SHANK1: variants seen among roughly 807,000 people sequenced by gnomAD.
SHANK1 encodes SH3 and multiple ankyrin repeat domains protein 1.
A neutral mutation model predicts 165.6 loss-of-function variants in SHANK1; 35 were observed. The observed-to-expected ratio is 0.21, with a 90% CI of 0.16 to 0.28. The LOEUF is 0.28. Ranked by LOEUF, SHANK1 falls within the 10% of genes least tolerant of loss-of-function variation. The pLI, the probability that SHANK1 is intolerant of heterozygous loss-of-function variation, is 1.00. For synonymous variants in SHANK1, 1,428 were observed against 1,384.8 expected, an observed-to-expected ratio of 1.03 and a Z score of -0.69; for missense variants, 2,681 against 3,036.4, an observed-to-expected ratio of 0.88 and a Z score of 2.75.
intron 23 of SHANK1, among the ~76,000 whole-genome samples, chr19:50,663,526 T>C (rs999935304): frequency 6.6e-6 from 1 of 152,076 alleles, no homozygotes; most frequent in Non-Finnish European, 1.5e-5. Context: ...TGGTAGCTTT[T>C]TTTGTAGGAT....
At position 50,716,778 on chromosome 19, in the gene SHANK1, G is replaced by C. The variant is rs777918685; in HGVS notation, c.142C>G (p.Pro48Ala). The change falls in exon 2 of 24, where the codon CCT becomes GCT. Residue 48 changes from proline to alanine, a missense_variant. Coordinates refer to ENST00000293441, the MANE Select transcript of SHANK1 (RefSeq NM_016148.5). The surrounding 1 kb of genome is among the most constrained non-coding windows in gnomAD (Gnocchi z 8.4). ...CCTCTAACAGAGGCCAGGCTACCAG[G>C]TGCCCCACTGCCCTGGCCCCGGGTC... is the stretch of plus-strand genomic sequence containing the variant. ...RGTRGQGSGA[P>A]GSLASVRGLQ... The C allele has an allele frequency of 1.2e-6, 2 of 1,607,336 alleles. No individual in the cohort carries two copies. Among genetic ancestry groups the C allele is most frequent in the East Asian group, 2.2e-5 (1 of 44,758 alleles).
chr19:50,678,056 T>C (rs1408816197), intron 21 of SHANK1, among the ~76,000 whole-genome samples: 1 of 152,212 alleles, frequency 6.6e-6, no homozygotes, highest in African/African-American at 2.4e-5. Context: ...TTTTACCTGC[T>C]ATTTTTCGTA....
At chr19:50,703,964 G>A in intron 10 of SHANK1, 134 bp from the exon 11 acceptor site, 1 of 799,246 alleles carries the variant, frequency 1.3e-6, no homozygotes, top group Non-Finnish European at 2.0e-6. Flanking sequence ...GGGGGGCCTG[G>A]AATTGCTCCC....
At chr19:50,665,504 T>TTGCAG (rs1381243054) in intron 23 of SHANK1, among the ~76,000 whole-genome samples, 1 of 133,348 alleles carries the variant, frequency 7.5e-6, no homozygotes, top group Non-Finnish European at 1.5e-5. Context: ...GAGGCAGAAG[T>TTGCAG]TGCAGTGAGC....
At chr19:50,714,100 A>G in intron 5 of SHANK1, 82 bp downstream of exon 5, 1 of 1,525,856 alleles carries the variant, frequency 6.6e-7, no homozygotes, top group Non-Finnish European at 9.0e-7. Flanking sequence ...ACCAGTCAGG[A>G]ATGGATGTGA....
Position 50,697,573 on chromosome 19 carries a change from G to A in SHANK1, c.1937+16C>T. ...TTGGGGTGAGGGGGGTTGCCCGAGG[G>A]TGTAAGGACATTTACCTTGGGGCAT... On this transcript the variant is annotated intron_variant, in intron 14 of 23. Coordinates refer to ENST00000293441, the MANE Select transcript of SHANK1 (RefSeq NM_016148.5). This position sits in a 1 kb window ranked among gnomAD's most constrained non-coding sequence, Gnocchi z 4.7. The A allele has an allele frequency of 6.2e-7, 1 of 1,606,224 alleles. No individual in the cohort carries two copies. Among genetic ancestry groups the A allele is most frequent in the Non-Finnish European group, 8.5e-7 (1 of 1,172,798 alleles).
At chr19:50,703,851 CG>C in intron 10 of SHANK1, 21 bp from the exon 11 acceptor site, 8 of 1,180,886 alleles carry the variant, frequency 6.8e-6, no homozygotes, top group South Asian at 1.8e-5. Context: ...ACAGTGGCGG[CG>C]GGGGGCAGAT....
Position 50,704,186 on chromosome 19 carries a change from C to T in SHANK1, c.1156G>A (p.Val386Met). 1 of 1,613,730 alleles carries T rather than the reference C, an allele frequency of 6.2e-7. No homozygotes were observed. Among genetic ancestry groups the T allele is most frequent in the Non-Finnish European group, 8.5e-7 (1 of 1,179,892 alleles). Residue 386 changes from valine (V) to methionine (M), a missense_variant and splice_region_variant, in exon 10 of 24, where the codon GTG (valine) becomes ATG (methionine). Transcript: ENST00000293441. ...TCAAAATTCCCAGCAATCACTGCCA[C>T]CTGGAGGGAGGGGGTAGAGGCAGGT... The part of the protein sequence containing the change: ...KNNNGQTPFQ[V>M]AVIAGNFELG...
At position 50,697,105 on chromosome 19, in the gene SHANK1, C is replaced by T. The variant is rs775189054; in HGVS notation, c.1955G>A (p.Gly652Asp). 1.9e-6 allele frequency: 3 copies of T among 1,612,280 alleles called. No homozygotes were observed. Among genetic ancestry groups the T allele is most frequent in the African/African-American group, 1.3e-5 (1 of 74,330 alleles). ...GCCCCTCGCCTCTCACCTCCCTGGG[C>T]CAATCCCATCCATTAAGCTTCCGAA... is the stretch of plus-strand genomic sequence containing the variant. ...FDAPSLMDGIGPGSDYIIKEK... is the reference protein window; with the variant it reads ...FDAPSLMDGIDPGSDYIIKEK... The change falls in exon 15 of 24, where the codon GGC (glycine) becomes GAC (aspartate). Residue 652 changes from glycine (G) to aspartate (D), a missense_variant. Gly to Asp is a moderately conservative substitution (Grantham distance 94). Transcript: ENST00000293441. This position sits in a 1 kb window ranked among gnomAD's most constrained non-coding sequence, Gnocchi z 4.7.
chr19:50,687,545 C>T, intron 19 of SHANK1, 37 bp downstream of exon 19: 1 of 1,515,938 alleles, frequency 6.6e-7, no homozygotes, highest in South Asian at 1.2e-5. Context: ...TCCCCTCTCC[C>T]CCCGGCCCCC....
At chr19:50,689,309 T>TG in intron 15 of SHANK1, 30 bp from the exon 16 acceptor site, 1 of 1,037,168 alleles carries the variant, frequency 9.6e-7, no homozygotes, top group Non-Finnish European at 1.5e-6. Flanking sequence ...AATGGGGGGG[T>TG]GGTGGGGGGA....
chr19:50,695,798 T>TC (rs952811682), intron 15 of SHANK1, among the ~76,000 whole-genome samples: 1 of 149,164 alleles, frequency 6.7e-6, no homozygotes, highest in Non-Finnish European at 1.5e-5. Context: ...GCAACACCCC[T>TC]CCCCCACCAG....
In SHANK1 at chr19:50,687,601, G is replaced by A; in HGVS notation, c.2370C>T (p.Thr790=). The change falls in exon 19 of 24, where the codon ACC becomes ACT. Residue 790 remains threonine, a synonymous_variant. Coordinates refer to ENST00000293441, the MANE Select transcript of SHANK1 (RefSeq NM_016148.5). ...PTISLRSKSM[T]SELEEMEYEQ... The stretch of plus-strand genomic sequence containing the variant: ...GCTCACCCATCTCCTCCAGCTCTGA[G>A]GTCATAGATTTGGAACGCAGGGAGA... The A allele has an allele frequency of 6.5e-7, 1 of 1,546,410 alleles. No homozygotes were observed. Among genetic ancestry groups the A allele is most frequent in the Non-Finnish European group, 8.7e-7 (1 of 1,145,042 alleles).
intron 21 of SHANK1, among the ~76,000 whole-genome samples, chr19:50,677,097 G>C (rs1986007622): frequency 6.6e-6 from 1 of 151,642 alleles, no homozygotes; most frequent in African/African-American, 2.4e-5. Context: ...CATGGAGGCT[G>C]CTAACCTGCC....
chr19:50,663,672 G>A lies in SHANK1; in HGVS notation c.5769-990C>T, dbSNP rs147302806. ...CCCAGAAGGGCACTCTGCACACATA[G>A]GTCATGAGTCAATAATTAATGCAAT... is the stretch of plus-strand genomic sequence containing the variant. On this transcript the variant is annotated intron_variant, in intron 23 of 23. Transcript: ENST00000293441. Among the ~76,000 whole-genome samples the A allele has an allele frequency of 2.2e-3, 335 of 151,702 alleles. 2 individuals carry two copies. The highest frequency in any genetic ancestry group is 7.5e-3 in the African/African-American group (308 of 41,340).
rs140259334 is a variant in SHANK1, at chr19:50,672,096, G to T, written c.2596C>A (p.His866Asn). Residue 866 changes from histidine to asparagine, a missense_variant, in exon 22 of 24, where the codon CAC becomes AAC. By Grantham distance (68) the His-to-Asn change is moderately conservative (BLOSUM62 1). Transcript: ENST00000293441. ...FATESSFDPH[H>N]RAQPSYERPS... Reference sequence around the variant, plus strand: ...CGCTCGTAACTTGGCTGGGCACGGTGGTGGGGATCGAAGCTCGACTTTGGA... The same window carrying T: ...CGCTCGTAACTTGGCTGGGCACGGTTGTGGGGATCGAAGCTCGACTTTGGA... 2.7e-5 allele frequency: 43 copies of T among 1,613,678 alleles called. No homozygotes were observed. The African/African-American group carries it at 4.1e-4, about 16-fold the overall frequency.
intron 21 of SHANK1, among the ~76,000 whole-genome samples, chr19:50,681,039 C>G (rs1436829347): frequency 6.6e-6 from 1 of 151,930 alleles, no homozygotes; most frequent in Non-Finnish European, 1.5e-5. Flanking sequence ...TACTGCACCC[C>G]CCACCCCACT....
intron 23 of SHANK1, among the ~76,000 whole-genome samples, chr19:50,664,944 A>G (rs1985416603): frequency 6.6e-6 from 1 of 152,052 alleles, no homozygotes; most frequent in South Asian, 2.1e-4. Context: ...TTTTTAGTAG[A>G]GATGGGGTTT....
chr19:50,688,889 G>A lies in SHANK1; in HGVS notation c.2127C>T (p.Gly709=), dbSNP rs770366999. ...TTCGCAGTCCAGCTCGCCATGCCACGCCACCCTCGTCCACCGACTCCAGGT... is the reference window on the plus strand; with the variant it reads ...TTCGCAGTCCAGCTCGCCATGCCACACCACCCTCGTCCACCGACTCCAGGT... ...LQYLESVDEG[G]VAWRAGLRMG... Residue 709 remains glycine (G), a synonymous_variant, in exon 17 of 24, where the codon GGC becomes GGT. Transcript: ENST00000293441. This position sits in a 1 kb window ranked among gnomAD's most constrained non-coding sequence, Gnocchi z 6.7. 16 of 1,590,506 alleles carry A rather than the reference G, an allele frequency of 1.0e-5. No individual in the cohort carries two copies. The highest frequency in any genetic ancestry group is 2.3e-5 in the South Asian group (2 of 87,422).
Sources: gnomAD v4.1 joint callset for allele counts (sites outside exome capture counted in the v4.1 genomes callset) on GRCh38, gnomAD v4.1.1 for gene constraint, Gnocchi (gnomAD v3.1) non-coding constraint, MANE v1.5 for transcripts, NCBI Gene and HGNC (gene_info 2026-07-23, HGNC 2026-07-21) for gene names.